Variants in TTC33 observed in about 807,000 individuals in gnomAD.
The protein encoded by TTC33 is tetratricopeptide repeat protein 33.
In TTC33, 24 loss-of-function variants were observed where a neutral mutation model predicts 29.4. That is an observed-to-expected ratio of 0.82 (90% confidence interval 0.59 to 1.15). The LOEUF is 1.15. TTC33 is among the 50% of genes most tolerant of loss of function. The pLI, the probability that TTC33 is intolerant of heterozygous loss-of-function variation, is 0.00. For synonymous variants in TTC33, 107 were observed against 100.3 expected (o/e 1.07, Z -0.40); for missense variants, 286 against 310.4 (o/e 0.92, Z 0.59).
Position 40,732,395 on chromosome 5 carries a change from T to C in TTC33, c.222-2052A>G, listed in dbSNP as rs190533339. Reference sequence around the variant, plus strand: ...AGCAGCTAAAGGACTGTCCAAGTCCTGCAAAAGACAGGATTTAAAGCTAGC... The same window carrying C: ...AGCAGCTAAAGGACTGTCCAAGTCCCGCAAAAGACAGGATTTAAAGCTAGC... On this transcript the variant is annotated intron_variant, in intron 2 of 4. Coordinates refer to ENST00000337702, the MANE Select transcript of TTC33 (RefSeq NM_012382.3). Among the ~76,000 whole-genome samples the C allele has an allele frequency of 4.1e-3, 630 of 151,906 alleles. 3 individuals are homozygous for C. The highest frequency in any genetic ancestry group is 0.015 in the African/African-American group (604 of 41,424).
At chr5:40,724,866 T>A (rs1372423346) in intron 4 of TTC33, among the ~76,000 whole-genome samples, 1 of 151,434 alleles carries the variant, frequency 6.6e-6, no homozygotes, top group Non-Finnish European at 1.5e-5. Context: ...TTTTTTTTTT[T>A]TTTTGAGATG....
intron 2 of TTC33, among the ~76,000 whole-genome samples, chr5:40,740,295 T>G (rs569231820): frequency 6.6e-6 from 1 of 151,728 alleles, no homozygotes; most frequent in Admixed American, 6.6e-5. Flanking sequence ...TTTCCTTCTA[T>G]GTAAAGAATT....
chr5:40,747,051 TC>T, intron 1 of TTC33, 32 bp from the exon 2 acceptor site: 1 of 1,570,150 alleles, frequency 6.4e-7, no homozygotes, highest in Non-Finnish European at 8.6e-7. Flanking sequence ...GCTTTAAAAT[TC>T]TAACTTGATC....
intron 4 of TTC33, among the ~76,000 whole-genome samples, 160 bp from the exon 5 acceptor site, chr5:40,716,658 A>ACGTTT (rs1742008876): frequency 6.6e-6 from 1 of 152,226 alleles, no homozygotes; most frequent in Non-Finnish European, 1.5e-5. Context: ...TGTTGCCCTA[A>ACGTTT]ACACTGGGGA....
intron 3 of TTC33, 88 bp from the exon 4 acceptor site, chr5:40,728,564 A>G: frequency 1.6e-6 from 2 of 1,279,502 alleles, no homozygotes; most frequent in Non-Finnish European, 2.1e-6. Flanking sequence ...TTTAAGATAT[A>G]TTTTTAGTCC....
chr5:40,749,545 G>C (rs1254828324), intron 1 of TTC33, among the ~76,000 whole-genome samples: 1 of 152,170 alleles, frequency 6.6e-6, no homozygotes, highest in Non-Finnish European at 1.5e-5. Context: ...GAGTATGGGA[G>C]GGAGAGAAAT....
chr5:40,749,371 A>C (rs1326131121), intron 1 of TTC33, among the ~76,000 whole-genome samples: 2 of 152,244 alleles, frequency 1.3e-5, no homozygotes, highest in Non-Finnish European at 2.9e-5. Context: ...AATAGTGTTT[A>C]AGCTTTCATT....
chr5:40,715,976 T>C lies in TTC33; in HGVS notation c.*169A>G. On this transcript the variant is annotated 3_prime_UTR_variant, in exon 5 of 5. Transcript: ENST00000337702. Reference sequence around the variant, plus strand: ...ATAAATCATAACTTATCAAAGCATATTCCAAACACTATACAATAATCCTGC... The same window carrying C: ...ATAAATCATAACTTATCAAAGCATACTCCAAACACTATACAATAATCCTGC... 1 of 528,070 alleles carries C rather than the reference T, an allele frequency of 1.9e-6. No homozygotes were observed. Among genetic ancestry groups the C allele is most frequent in the Non-Finnish European group, 3.3e-6 (1 of 305,796 alleles). The allele number at this position is 528,070 out of a possible 1,614,324, so 32.7% of individuals were successfully genotyped here. A position where few individuals can be genotyped will look rare whatever the true frequency, so the allele number is the denominator to read the frequency against.
chr5:40,728,409 G>A lies in TTC33; in HGVS notation c.371C>T (p.Pro124Leu). The change falls in exon 4 of 5, where the codon CCA becomes CTA. Residue 124 changes from proline (P) to leucine (L), a missense_variant. Physicochemically the swap from Pro to Leu is moderately conservative, Grantham distance 98. Transcript: ENST00000337702. ...HAAEMAVQQN[P>L]HSWESWQTLG... ...AGTCTGCCAAGACTCCCATGAATGT[G>A]GATTTTGCTGGACGGCCATTTCTGC... 1.2e-6 allele frequency: 2 copies of A among 1,613,720 alleles called. No homozygotes were observed. Among genetic ancestry groups the A allele is most frequent in the Non-Finnish European group, 1.7e-6 (2 of 1,179,904 alleles).
chr5:40,722,198 C>CT (rs1742149975), intron 4 of TTC33, among the ~76,000 whole-genome samples: 1 of 151,616 alleles, frequency 6.6e-6, no homozygotes, highest in Non-Finnish European at 1.5e-5. Flanking sequence ...GAGGGAGACT[C>CT]TGTCTCAACT....
rs1325190523 is a variant in TTC33, at chr5:40,714,679, T to C, written c.*1466A>G. ...CTAACCAGAGCTAATTTTCTGATGA[T>C]ATAACTTAAGGAAAGAATATTCTTT... On this transcript the variant is annotated 3_prime_UTR_variant, in exon 5 of 5. Transcript: ENST00000337702. 1 of 152,396 alleles carries C rather than the reference T, an allele frequency of 6.6e-6. No individual in the cohort carries two copies. Among genetic ancestry groups the C allele is most frequent in the East Asian group, 1.9e-4 (1 of 5,320 alleles). 9.4% of individuals were successfully genotyped at this position (152,396 alleles called of 1,614,324 possible).
intron 4 of TTC33, among the ~76,000 whole-genome samples, chr5:40,727,518 C>T (rs1287907340): frequency 6.6e-6 from 1 of 152,210 alleles, no homozygotes; most frequent in Non-Finnish European, 1.5e-5. Context: ...GTAAACATTA[C>T]ACAATGAGTA....
chr5:40,746,464 T>C (rs896815604), intron 2 of TTC33, among the ~76,000 whole-genome samples: 7 of 152,152 alleles, frequency 4.6e-5, no homozygotes, highest in Admixed American at 3.9e-4. Context: ...GCAGAAAGTT[T>C]CCAGTGATAA....
At position 40,712,424 on chromosome 5, in the gene TTC33, G is replaced by C. The variant is rs1741914544; in HGVS notation, c.*3721C>G. On this transcript the variant is annotated 3_prime_UTR_variant, in exon 5 of 5. Transcript: ENST00000337702. ...TCCTCTCCTGACCTCTGAACCACTT[G>C]AGACACAGACAGATGGAGATTCAAT... Among the ~76,000 whole-genome samples, 1 of 152,104 alleles carries C rather than the reference G, an allele frequency of 6.6e-6. No homozygotes were observed. Among genetic ancestry groups the C allele is most frequent in the South Asian group, 2.1e-4 (1 of 4,826 alleles).
At chr5:40,740,039 G>A (rs1742660705) in intron 2 of TTC33, among the ~76,000 whole-genome samples, 1 of 151,660 alleles carries the variant, frequency 6.6e-6, no homozygotes, top group Non-Finnish European at 1.5e-5. Flanking sequence ...CTAGGGTCTA[G>A]GTTTGAATAC....
chr5:40,738,545 AATAAAATAAAATAAAATAAAAT>A (rs1490440204), intron 2 of TTC33, among the ~76,000 whole-genome samples: 4 of 124,040 alleles, frequency 3.2e-5, no homozygotes, highest in Non-Finnish European at 6.8e-5. Flanking sequence ...AATACAATAA[AATAAAATAAAATAAAATAAAAT>A]ATAAAATAAA....
At chr5:40,741,702 A>G (rs35999176) in intron 2 of TTC33, among the ~76,000 whole-genome samples, 17,136 of 152,122 alleles carry the variant, frequency 0.11, 1,293 homozygotes, top group Non-Finnish European at 0.17. Flanking sequence ...AAATTAAGGG[A>G]GCTCAGCCAC....
At chr5:40,728,508 A>G in intron 3 of TTC33, 32 bp from the exon 4 acceptor site, 1 of 1,558,620 alleles carries the variant, frequency 6.4e-7, no homozygotes, top group Non-Finnish European at 8.7e-7. Context: ...AAAATCTGTC[A>G]GTAATATTCA....
intron 1 of TTC33, among the ~76,000 whole-genome samples, chr5:40,748,986 C>T (rs1395633051): frequency 6.6e-6 from 1 of 152,056 alleles, no homozygotes; most frequent in African/African-American, 2.4e-5. Flanking sequence ...ATTAGCCAGG[C>T]GTGGTGGTAC....
Sources: allele counts gnomAD v4.1 joint callset (sites outside exome capture counted in the v4.1 genomes callset), GRCh38; gene constraint gnomAD v4.1.1; transcripts MANE v1.5; gene names NCBI Gene and HGNC (gene_info 2026-07-23, HGNC 2026-07-21).